The following TTC27 variants were observed in gnomAD, a reference collection of about 807,000 sequenced individuals.
TTC27 encodes the protein tetratricopeptide repeat protein 27.
TTC27 carries 79 observed loss-of-function variants against 115.9 expected under a neutral mutation model. The observed-to-expected ratio is 0.68, with a 90% CI of 0.57 to 0.82. TTC27 has a LOEUF of 0.82. Among genes scored for constraint, TTC27 ranks in the 40% least tolerant of loss-of-function variants. The pLI is 0.00. For missense variants in TTC27, 1,054 were observed against 993.1 expected (o/e 1.06, Z -0.82); for synonymous variants, 401 against 356.0 (o/e 1.13, Z -1.42).
intron 12 of TTC27, among the ~76,000 whole-genome samples, chr2:32,743,801 T>G (rs1397817146): frequency 6.6e-6 from 1 of 152,224 alleles, no homozygotes; most frequent in Non-Finnish European, 1.5e-5. Flanking sequence ...GGTAAATTTT[T>G]GTTAGATCTC....
intron 16 of TTC27, among the ~76,000 whole-genome samples, chr2:32,791,668 T>C (rs1048470769): frequency 1.5e-4 from 23 of 152,268 alleles, no homozygotes; most frequent in Admixed American, 9.8e-4. Flanking sequence ...CATATTAATG[T>C]GCTTGTGAAC....
chr2:32,702,049 C>T (rs1302598753), intron 9 of TTC27, among the ~76,000 whole-genome samples: 1 of 146,108 alleles, frequency 6.8e-6, no homozygotes, highest in Non-Finnish European at 1.5e-5. Context: ...AACCAGCTAC[C>T]AAAACTGACA....
At chr2:32,754,987 G>A (rs1454664095) in intron 12 of TTC27, among the ~76,000 whole-genome samples, 15 of 151,578 alleles carry the variant, frequency 9.9e-5, no homozygotes, top group East Asian at 3.9e-4. Context: ...CAGACGGGGC[G>A]GCTGCCGGGC....
intron 19 of TTC27, among the ~76,000 whole-genome samples, chr2:32,819,475 A>C (rs1671611289): frequency 1.3e-5 from 2 of 152,216 alleles, no homozygotes; most frequent in African/African-American, 4.8e-5. Flanking sequence ...TGCATTCCAA[A>C]AAAGTCACTT....
intron 16 of TTC27, among the ~76,000 whole-genome samples, chr2:32,808,617 C>T (rs1341152620): frequency 6.6e-6 from 1 of 152,182 alleles, no homozygotes; most frequent in Non-Finnish European, 1.5e-5. Flanking sequence ...CACACATACA[C>T]AGAGGAGGCA....
intron 10 of TTC27, among the ~76,000 whole-genome samples, chr2:32,704,664 C>T (rs1175057713): frequency 6.6e-6 from 1 of 152,182 alleles, no homozygotes; most frequent in African/African-American, 2.4e-5. Context: ...CATGTCCTCT[C>T]AGGCTCCTTT....
At chr2:32,672,642 T>G (rs1666053359) in intron 8 of TTC27, among the ~76,000 whole-genome samples, 1 of 152,268 alleles carries the variant, frequency 6.6e-6, no homozygotes, top group African/African-American at 2.4e-5. Context: ...GAATAGATTA[T>G]TAATAAAATA....
intron 19 of TTC27, among the ~76,000 whole-genome samples, chr2:32,819,955 C>CA (rs1389726711): frequency 2.6e-5 from 4 of 152,024 alleles, no homozygotes; most frequent in Non-Finnish European, 1.5e-5. Context: ...ACACAAAAAC[C>CA]AAAAAAACTA....
chr2:32,811,556 A>G lies in TTC27; in HGVS notation c.2196+335A>G, dbSNP rs1012216812. 2.6e-5 allele frequency among the ~76,000 whole-genome samples: 4 copies of G among 152,230 alleles called. No individual in the cohort carries two copies. In the East Asian group the frequency reaches 5.8e-4, roughly 22 times the overall value. On this transcript the variant is annotated intron_variant, in intron 17 of 19. Coordinates refer to ENST00000317907, the MANE Select transcript of TTC27 (RefSeq NM_017735.5). The stretch of plus-strand genomic sequence containing the variant: ...CCCCTTTCTGCAGGCACCTTGCTAA[A>G]GACTACAGTAGATGGGTACAAGGAG...
At chr2:32,676,347 T>C (rs1251865494) in intron 8 of TTC27, among the ~76,000 whole-genome samples, 1 of 152,078 alleles carries the variant, frequency 6.6e-6, no homozygotes, top group African/African-American at 2.4e-5. Flanking sequence ...TTCCCTTCAT[T>C]GATTTTTTTT....
At chr2:32,754,972 C>A (rs1669166849) in intron 12 of TTC27, among the ~76,000 whole-genome samples, 1 of 151,810 alleles carries the variant, frequency 6.6e-6, no homozygotes. Context: ...GGGCTCCTCA[C>A]TTCTCAGACG....
chr2:32,755,816 G>A (rs1669213452), intron 12 of TTC27, among the ~76,000 whole-genome samples: 1 of 152,188 alleles, frequency 6.6e-6, no homozygotes, highest in South Asian at 2.1e-4. Flanking sequence ...AACACTGAGT[G>A]TTGTTTGCTT....
intron 16 of TTC27, among the ~76,000 whole-genome samples, chr2:32,794,226 A>C (rs1670628836): frequency 6.6e-6 from 1 of 152,226 alleles, no homozygotes; most frequent in Non-Finnish European, 1.5e-5. Flanking sequence ...CAGTAGATTC[A>C]AAAAGATAGA....
chr2:32,741,513 G>T (rs1220271294), intron 12 of TTC27, among the ~76,000 whole-genome samples: 1 of 151,728 alleles, frequency 6.6e-6, no homozygotes. Flanking sequence ...TTAACCGGAC[G>T]TGGTGGCATG....
At chr2:32,716,101 C>A (rs1403918835) in intron 10 of TTC27, among the ~76,000 whole-genome samples, 1 of 152,140 alleles carries the variant, frequency 6.6e-6, no homozygotes, top group Non-Finnish European at 1.5e-5. Context: ...ACCTTCTAAA[C>A]CTCTTTCTAT....
chr2:32,809,904 G>A (rs1166777185), intron 16 of TTC27, among the ~76,000 whole-genome samples: 1 of 152,136 alleles, frequency 6.6e-6, no homozygotes, highest in Non-Finnish European at 1.5e-5. Flanking sequence ...GGGTCACGAG[G>A]TCAGGAGTTC....
chr2:32,767,397 A>G (rs560865690), intron 13 of TTC27, among the ~76,000 whole-genome samples: 104 of 151,916 alleles, frequency 6.8e-4, no homozygotes, highest in African/African-American at 2.5e-3. Flanking sequence ...TGTTGAAGAA[A>G]AGTACCCTAA....
intron 16 of TTC27, among the ~76,000 whole-genome samples, chr2:32,792,600 CAG>C (rs1299207047): frequency 6.6e-6 from 1 of 152,022 alleles, no homozygotes; most frequent in Admixed American, 6.6e-5. Flanking sequence ...GACCAGGAAA[CAG>C]AACAAGTACT....
intron 5 of TTC27, among the ~76,000 whole-genome samples, chr2:32,662,756 T>A (rs1665599225): frequency 6.6e-6 from 1 of 151,764 alleles, no homozygotes; most frequent in East Asian, 1.9e-4. Flanking sequence ...TTTGGAAGGG[T>A]TTTTTGTGTC....
Sources: allele counts gnomAD v4.1 joint callset (sites outside exome capture counted in the v4.1 genomes callset), GRCh38; gene constraint gnomAD v4.1.1; transcripts MANE v1.5; gene names NCBI Gene and HGNC (gene_info 2026-07-23, HGNC 2026-07-21).